Variants in SUPT3H observed in about 807,000 individuals in gnomAD.
SUPT3H encodes the protein SPT3 homolog, SAGA and STAGA complex component, also known as transcription initiation protein SPT3 homolog.
In SUPT3H, 44 loss-of-function variants were observed where a neutral mutation model predicts 44.3. That is an observed-to-expected ratio of 0.99 (90% CI 0.78 to 1.28). The LOEUF (loss-of-function observed/expected upper bound fraction) is 1.28. SUPT3H is among the 50% of genes most tolerant of loss of function. The pLI, the probability that SUPT3H is intolerant of heterozygous loss-of-function variation, is 0.00. For synonymous variants in SUPT3H, 124 were observed against 125.6 expected, an observed-to-expected ratio of 0.99 and a Z score of 0.09; for missense variants, 380 against 387.1, an observed-to-expected ratio of 0.98 and a Z score of 0.15.
chr6:45,184,122 A>G (rs1242176339), intron 2 of SUPT3H, among the ~76,000 whole-genome samples: 1 of 152,204 alleles, frequency 6.6e-6, no homozygotes, highest in African/African-American at 2.4e-5. Context: ...GAGAGAGTAC[A>G]TGGAAACACT....
intron 2 of SUPT3H, among the ~76,000 whole-genome samples, chr6:45,276,342 T>C (rs975519403): frequency 6.6e-6 from 1 of 152,074 alleles, no homozygotes; most frequent in African/African-American, 2.4e-5. Flanking sequence ...AATATGAAAA[T>C]AGAAACCTCT....
At chr6:45,205,249 T>C (rs1248014176) in intron 2 of SUPT3H, among the ~76,000 whole-genome samples, 1 of 152,194 alleles carries the variant, frequency 6.6e-6, no homozygotes, top group East Asian at 1.9e-4. Context: ...CACTTCTATC[T>C]ACAGATGCAA....
chr6:44,904,037 A>C (rs1442158095), intron 10 of SUPT3H, among the ~76,000 whole-genome samples: 1 of 152,194 alleles, frequency 6.6e-6, no homozygotes, highest in African/African-American at 2.4e-5. Context: ...ATCTCAAAAT[A>C]ATAAGAGCTA....
chr6:45,350,806 AAATG>A (rs776382032), intron 2 of SUPT3H, among the ~76,000 whole-genome samples: 1 of 152,166 alleles, frequency 6.6e-6, no homozygotes, highest in Non-Finnish European at 1.5e-5. Context: ...AGTAGTGTCT[AAATG>A]AATGAAGTCT....
At chr6:45,063,491 T>G (rs1222125706) in intron 3 of SUPT3H, among the ~76,000 whole-genome samples, 1 of 140,522 alleles carries the variant, frequency 7.1e-6, no homozygotes, top group Non-Finnish European at 1.5e-5. Context: ...GAAGAAGGCT[T>G]CAGACGATCA....
chr6:45,284,785 C>T (rs1461027696), intron 2 of SUPT3H, among the ~76,000 whole-genome samples: 1 of 151,936 alleles, frequency 6.6e-6, no homozygotes, highest in Non-Finnish European at 1.5e-5. Context: ...AGCAGAGACA[C>T]AACAAAAAAA....
At chr6:45,157,917 T>C (rs1010028907) in intron 2 of SUPT3H, among the ~76,000 whole-genome samples, 1 of 151,540 alleles carries the variant, frequency 6.6e-6, no homozygotes, top group Non-Finnish European at 1.5e-5. Context: ...TTATAGATCA[T>C]GATCAGCATT....
At chr6:45,088,701 T>A (rs1796776731) in intron 3 of SUPT3H, among the ~76,000 whole-genome samples, 1 of 151,954 alleles carries the variant, frequency 6.6e-6, no homozygotes, top group Non-Finnish European at 1.5e-5. Context: ...GGGAGTCACA[T>A]CTAGAACAGT....
At chr6:45,245,007 C>T (rs1421682550) in intron 2 of SUPT3H, among the ~76,000 whole-genome samples, 1 of 152,082 alleles carries the variant, frequency 6.6e-6, no homozygotes, top group Non-Finnish European at 1.5e-5. Context: ...TATTTACAAA[C>T]TCTTCCACAG....
intron 10 of SUPT3H, chr6:44,899,160 A>C (rs1764571762): frequency 6.6e-6 from 1 of 152,264 alleles, no homozygotes; most frequent in South Asian, 2.1e-4. Flanking sequence ...TACTGAAAAA[A>C]AGACTGACAA....
intron 10 of SUPT3H, among the ~76,000 whole-genome samples, chr6:44,908,779 T>C (rs970589046): frequency 3.5e-5 from 5 of 144,652 alleles, no homozygotes; most frequent in Non-Finnish European, 7.6e-5. Flanking sequence ...CACTAAAATA[T>C]CTGAGTACAA....
In SUPT3H at chr6:45,258,275, C is replaced by T. The variant is rs776066873; in HGVS notation, c.101+106926G>A. On this transcript the variant is annotated intron_variant, in intron 2 of 10. Transcript: ENST00000371459. ...TTAAATGAGCGTTGTCAGCAAACTG[C>T]ACTTTTCTAAATGGGAAAAGGGTTA... Among the ~76,000 whole-genome samples the T allele has an allele frequency of 4.5e-4, 69 of 152,290 alleles. 3 individuals are homozygous for T. The highest frequency in any genetic ancestry group is 3.4e-3 in the Middle Eastern group (1 of 294).
chr6:45,011,263 T>A (rs1347952410), intron 5 of SUPT3H, among the ~76,000 whole-genome samples: 1 of 152,094 alleles, frequency 6.6e-6, no homozygotes, highest in Non-Finnish European at 1.5e-5. Flanking sequence ...GGTATTCTTC[T>A]TTAAACATTT....
intron 3 of SUPT3H, among the ~76,000 whole-genome samples, chr6:45,038,650 T>C (rs1200809416): frequency 3.3e-5 from 5 of 152,170 alleles, no homozygotes; most frequent in African/African-American, 1.2e-4. Flanking sequence ...CTGTTTGAAG[T>C]ATTAGGACTT....
At chr6:45,322,826 A>T (rs1357232053) in intron 2 of SUPT3H, 5 of 1,455,788 alleles carry the variant, frequency 3.4e-6, no homozygotes, top group Non-Finnish European at 3.9e-6. Flanking sequence ...CACTTTCTCC[A>T]ACCACAGTTA....
intron 2 of SUPT3H, among the ~76,000 whole-genome samples, chr6:45,217,973 C>CA (rs1449744997): frequency 2.0e-5 from 3 of 150,300 alleles, no homozygotes; most frequent in Admixed American, 1.3e-4. Context: ...CACAGGAAGG[C>CA]AAAAAGAAAG....
chr6:44,965,688 G>A (rs1466199075), intron 6 of SUPT3H, among the ~76,000 whole-genome samples: 1 of 150,242 alleles, frequency 6.7e-6, no homozygotes, highest in Non-Finnish European at 1.5e-5. Flanking sequence ...CCCCAGAATT[G>A]TTTCAAAGAT....
At chr6:45,218,208 A>G (rs1673582646) in intron 2 of SUPT3H, among the ~76,000 whole-genome samples, 1 of 152,234 alleles carries the variant, frequency 6.6e-6, no homozygotes, top group Admixed American at 6.5e-5. Flanking sequence ...AGCTGTATTA[A>G]TATCAGATAA....
chr6:45,187,423 A>T (rs909864334), intron 2 of SUPT3H, among the ~76,000 whole-genome samples: 2 of 151,788 alleles, frequency 1.3e-5, no homozygotes, highest in Non-Finnish European at 2.9e-5. Context: ...TTCAAAAAAA[A>T]AAAAGACAAC....
Sources: gnomAD v4.1 joint callset for allele counts (sites outside exome capture counted in the v4.1 genomes callset) on GRCh38, gnomAD v4.1.1 for gene constraint, MANE v1.5 for transcripts, NCBI Gene and HGNC (gene_info 2026-07-23, HGNC 2026-07-21) for gene names.